OFD1: variants seen among roughly 807,000 people sequenced by gnomAD.
OFD1 encodes OFD1 centriole and centriolar satellite protein.
A neutral mutation model predicts 81.4 loss-of-function variants in OFD1; 12 were observed. The ratio of observed to expected loss-of-function variants is 0.15; its 90% CI spans 0.09 to 0.24. OFD1 has a LOEUF of 0.24. OFD1 is among the 10% of genes least tolerant of loss of function. OFD1 has a pLI of 1.00. For missense variants in OFD1, 685 were observed against 733.9 expected (o/e 0.93, Z 0.77); for synonymous variants, 256 against 263.7 (o/e 0.97, Z 0.28).
downstream of OFD1, chrX:13,773,151 C>G (rs2048331782): frequency 1.9e-6 from 1 of 535,346 alleles, no homozygotes; most frequent in Non-Finnish European, 3.0e-6. Flanking sequence ...TTAATAAATA[C>G]TCGCTCTACT....
At chrX:13,715,934 A>G in the OFD1 span, 11 of 1,114,862 alleles carry the variant, frequency 9.9e-6, no homozygotes, top group South Asian at 1.2e-4. Context: ...AGTTACTTCA[A>G]TAGGCCAGTT....
chrX:13,714,506 C>G, the OFD1 span: 3 of 1,076,996 alleles, frequency 2.8e-6, no homozygotes, highest in African/African-American at 3.7e-5. Flanking sequence ...TCATTGAAAA[C>G]TAGGAAAGAA....
the OFD1 span, among the ~76,000 whole-genome samples, chrX:13,723,095 CAAA>C: frequency 8.0e-5 from 5 of 62,755 alleles, no homozygotes; most frequent in Non-Finnish European, 9.0e-5. Context: ...GACTCCATCT[CAAA>C]AAAAAAAAAA....
intron 17 of OFD1, 78 bp downstream of exon 17, chrX:13,761,289 G>GT: frequency 1.1e-6 from 1 of 922,323 alleles, no homozygotes; most frequent in Non-Finnish European, 1.5e-6. Context: ...GTTTTACTGG[G>GT]ATTTTTTTTT....
chrX:13,755,691 T>C (rs2047675444), intron 12 of OFD1, among the ~76,000 whole-genome samples: 1 of 112,436 alleles, frequency 8.9e-6, no homozygotes, highest in African/African-American at 3.2e-5. Context: ...TACATTGTTA[T>C]CTTACAGATT....
intron 11 of OFD1, among the ~76,000 whole-genome samples, chrX:13,754,532 T>G (rs1201206523): frequency 1.8e-5 from 2 of 108,831 alleles, no homozygotes; most frequent in African/African-American, 6.7e-5. Flanking sequence ...TTCTTGTGCC[T>G]CAGCCTCCCA....
At chrX:13,749,637 T>C in intron 9 of OFD1, 104 bp downstream of exon 9, 1 of 556,452 alleles carries the variant, frequency 1.8e-6, no homozygotes, top group South Asian at 2.6e-5. Context: ...GTAGAGTTCT[T>C]ATTTGTAAAG....
At chrX:13,734,157 G>C, upstream of OFD1, 1 of 506,588 alleles carries the variant, frequency 2.0e-6, no homozygotes, top group Non-Finnish European at 3.5e-6. Flanking sequence ...AGACATCTTT[G>C]GTTGTCACAC....
chrX:13,751,456 AG>A (rs765518330), intron 10 of OFD1, 88 bp downstream of exon 10: 1 of 754,857 alleles, frequency 1.3e-6, no homozygotes, highest in South Asian at 2.5e-5. Context: ...TCTGTAACTT[AG>A]GCAAACTTTA....
Position 13,734,766 on chromosome X carries a change from C to A in OFD1, c.-306C>A. ...TTGCCGGACTGGCTGTGAGGCGGTC[C>A]TGCCTCGCTGCCTTCAGTCCCTAGT... is the stretch of plus-strand genomic sequence containing the variant. On this transcript the variant is annotated 5_prime_UTR_variant, in exon 1 of 23. The change creates a new upstream start codon in the 5' untranslated region. Coordinates refer to ENST00000340096, the MANE Select transcript of OFD1 (RefSeq NM_003611.3). 2 of 1,054,905 alleles carry A rather than the reference C, an allele frequency of 1.9e-6. No individual in the cohort carries two copies. The highest frequency in any genetic ancestry group is 5.4e-5 in the South Asian group (2 of 37,063). The allele number at this position is 1,054,905 out of a possible 1,213,427, so 86.9% of individuals were successfully genotyped here.
At chrX:13,724,818 A>G in the OFD1 span, among the ~76,000 whole-genome samples, 1 of 112,611 alleles carries the variant, frequency 8.9e-6, no homozygotes, top group African/African-American at 3.2e-5. Flanking sequence ...CAGAAAGTGC[A>G]AGGGGTCGGG....
chrX:13,755,357 G>A, intron 12 of OFD1, 115 bp downstream of exon 12: 1 of 524,497 alleles, frequency 1.9e-6, no homozygotes, highest in Non-Finnish European at 3.3e-6. Context: ...CCATTTATAT[G>A]GCTAAGAAGG....
At chrX:13,748,231 T>C (rs775768345) in intron 8 of OFD1, among the ~76,000 whole-genome samples, 3 of 112,589 alleles carry the variant, frequency 2.7e-5, no homozygotes, top group East Asian at 5.6e-4. Flanking sequence ...ACCTTCAAGA[T>C]AGGTGACTGA....
At chrX:13,721,572 T>C in the OFD1 span, 1 of 111,947 alleles carries the variant, frequency 8.9e-6, no homozygotes, top group Non-Finnish European at 1.9e-5. Flanking sequence ...GCAAGCCTCA[T>C]TGGGCCTTCT....
At chrX:13,716,836 T>C in the OFD1 span, 1 of 511,022 alleles carries the variant, frequency 2.0e-6, no homozygotes, top group Non-Finnish European at 3.2e-6. Context: ...AAGATCTGTT[T>C]TCATATTATA....
chrX:13,756,545 A>G (rs774696247), intron 12 of OFD1, 33 bp from the exon 13 acceptor site: 2 of 1,138,364 alleles, frequency 1.8e-6, no homozygotes, highest in Non-Finnish European at 2.4e-6. Context: ...TAAAGTCATT[A>G]TTCAAATGTA....
At position 13,735,252 on chromosome X, in the gene OFD1, A is replaced by G. The variant is rs750370428; in HGVS notation, c.17A>G (p.Asn6Ser). The G allele has an allele frequency of 2.5e-6, 3 of 1,211,009 alleles. No individual in the cohort carries two copies. The highest frequency in any genetic ancestry group is 3.4e-6 in the Non-Finnish European group (3 of 894,677). The change falls in exon 2 of 23, where the codon AAC (asparagine) becomes AGC (serine). Residue 6 changes from asparagine to serine, a missense_variant. Coordinates refer to ENST00000340096, the MANE Select transcript of OFD1 (RefSeq NM_003611.3). MMAQS[N>S]MFTVADVLSQ... is the part of the protein sequence containing the mutation. ...TATAACCATTTTGTCTTTTAGTCCA[A>G]CATGTTTACCGTGGCTGATGTGTTG...
intron 16 of OFD1, 25 bp downstream of exon 16, chrX:13,760,745 C>A (rs766915512): frequency 8.3e-7 from 1 of 1,209,588 alleles, no homozygotes; most frequent in Non-Finnish European, 1.1e-6. Context: ...CAAAGGGTTG[C>A]GGGGTGCTCT....
In OFD1 at chrX:13,735,350, T is replaced by G; in HGVS notation, c.111+4T>G. Reference sequence around the variant, plus strand: ...GGGTATACTGGATACACTCAAGGTATCGGATTTAGGCGTATCTGTGTCAGC... The same window carrying G: ...GGGTATACTGGATACACTCAAGGTAGCGGATTTAGGCGTATCTGTGTCAGC... On this transcript the variant is annotated splice_donor_region_variant and intron_variant, in intron 2 of 22. Transcript: ENST00000340096. The G allele has an allele frequency of 8.5e-7, 1 of 1,176,980 alleles. No homozygotes were observed. Among genetic ancestry groups the G allele is most frequent in the South Asian group, 1.8e-5 (1 of 56,274 alleles).
Sources: gnomAD v4.1 joint callset for allele counts (sites outside exome capture counted in the v4.1 genomes callset) on GRCh38, gnomAD v4.1.1 for gene constraint, MANE v1.5 for transcripts, NCBI Gene and HGNC (gene_info 2026-07-23, HGNC 2026-07-21) for gene names.